OTOG: variants seen among roughly 807,000 people sequenced by gnomAD.
OTOG encodes otogelin.
Under a neutral mutation model 313.8 loss-of-function variants are expected in OTOG, and 296 were observed. That is an observed-to-expected ratio of 0.94 (90% CI 0.86 to 1.04). The LOEUF (loss-of-function observed/expected upper bound fraction) is 1.04, where lower values mean the gene tolerates loss of function less well. OTOG is among the 50% of genes least tolerant of loss of function. The pLI, the probability that OTOG is intolerant of heterozygous loss-of-function variation, is 0.00. For synonymous variants in OTOG, 1,533 were observed against 1,554.9 expected (o/e 0.99, Z 0.33); for missense variants, 3,948 against 3,840.1 (o/e 1.03, Z -0.74).
chr11:17,594,253 G>A, intron 28 of OTOG, 87 bp downstream of exon 28: 1 of 1,498,094 alleles, frequency 6.7e-7, no homozygotes. Flanking sequence ...AGGGAAGAGG[G>A]ATGCTGGTGT....
chr11:17,595,978 A>G, intron 28 of OTOG, 60 bp from the exon 29 acceptor site: 1 of 1,186,470 alleles, frequency 8.4e-7, no homozygotes, highest in Non-Finnish European at 1.2e-6. Flanking sequence ...TCTGTCTGTC[A>G]TGTCAGGCAA....
Position 17,634,964 on chromosome 11 carries a change from T to TGGGGGCCGGGGGGG in OTOG, c.7585+20_7585+21insGCCGGGGGGGGGGG. The stretch of plus-strand genomic sequence containing the variant: ...TACAGCTGTGGTGAGAGGCCCGGGG[T>TGGGGGCCGGGGGGG]GGGGAGGGTGGGGGACGGACTGAGG... On this transcript the variant is annotated intron_variant, in intron 45 of 55. Coordinates refer to ENST00000399397, the MANE Select transcript of OTOG (RefSeq NM_001292063.2). 1 of 397,114 alleles carries TGGGGGCCGGGGGGG rather than the reference T, an allele frequency of 2.5e-6. No individual in the cohort carries two copies. The highest frequency in any genetic ancestry group is 4.4e-6 in the Non-Finnish European group (1 of 228,622). 24.6% of individuals were successfully genotyped at this position (397,114 alleles called of 1,614,324 possible). A position where few individuals can be genotyped will look rare whatever the true frequency, so the allele number is the denominator to read the frequency against.
At chr11:17,613,029 T>C (rs2134096617) in intron 38 of OTOG, among the ~76,000 whole-genome samples, 1 of 152,230 alleles carries the variant, frequency 6.6e-6, no homozygotes, top group East Asian at 1.9e-4. Context: ...GTAGGAGGGA[T>C]GGCACAGTAG....
At chr11:17,569,328 AGGGTTTG>A in intron 16 of OTOG, 40 bp downstream of exon 16, 1 of 1,549,114 alleles carries the variant, frequency 6.5e-7, no homozygotes, top group Non-Finnish European at 8.7e-7. Context: ...TTGGGAACTG[AGGGTTTG>A]GACCTCTCTT....
chr11:17,558,901 G>A (rs1380331202), intron 10 of OTOG, 151 bp from the exon 11 acceptor site: 8 of 738,320 alleles, frequency 1.1e-5, no homozygotes, highest in Non-Finnish European at 1.9e-5. Flanking sequence ...CAAGTCTAGG[G>A]ATCTGTTCAC....
chr11:17,609,648 T>G lies in OTOG; in HGVS notation c.4355-7T>G. 6.8e-7 allele frequency: 1 copy of G among 1,473,150 alleles called. No homozygotes were observed. Among genetic ancestry groups the G allele is most frequent in the Non-Finnish European group, 9.0e-7 (1 of 1,107,258 alleles). The allele number at this position is 1,473,150 out of a possible 1,614,324, so 91.3% of individuals were successfully genotyped here. ...CGCCTTCTGAACCTCTTCTTTTGTC[T>G]CCGCAGGTGTGGAGCCAGCAGTTTG... On this transcript the variant is annotated splice_region_variant and splice_polypyrimidine_tract_variant and intron_variant, in intron 35 of 55. Transcript: ENST00000399397.
At chr11:17,587,644 G>A (rs780043570) in intron 24 of OTOG, among the ~76,000 whole-genome samples, 5 of 152,182 alleles carry the variant, frequency 3.3e-5, no homozygotes, top group Non-Finnish European at 5.9e-5. Flanking sequence ...GCAGGGTCAC[G>A]GTCAAGCCCA....
Position 17,610,540 on chromosome 11 carries a change from C to A in OTOG, c.5240C>A (p.Ser1747Tyr). The change falls in exon 36 of 56, where the codon TCT becomes TAT. Residue 1747 changes from serine to tyrosine, a missense_variant. Physicochemically the swap from Ser to Tyr is moderately radical, Grantham distance 144 (BLOSUM62 -2). Coordinates refer to ENST00000399397, the MANE Select transcript of OTOG (RefSeq NM_001292063.2). ...TCCCCACAGCCACACCCACTCCCCT[C>A]TGCACCACCCCGCCCAGCCCAGCAT... Reference protein sequence around the residue: ...PASPQPHPLPSAPPRPAQHTT... With the variant: ...PASPQPHPLPYAPPRPAQHTT... 6.4e-7 allele frequency: 1 copy of A among 1,550,634 alleles called. No homozygotes were observed. Among genetic ancestry groups the A allele is most frequent in the Non-Finnish European group, 8.7e-7 (1 of 1,146,962 alleles).
intron 40 of OTOG, 110 bp from the exon 41 acceptor site, chr11:17,631,592 T>A: frequency 2.3e-6 from 2 of 869,734 alleles, no homozygotes; most frequent in Non-Finnish European, 3.6e-6. Flanking sequence ...AAAATGGGGA[T>A]AATGGTATTA....
intron 52 of OTOG, 57 bp downstream of exon 52, chr11:17,642,008 C>T (rs1847986076): frequency 1.3e-6 from 2 of 1,531,906 alleles, no homozygotes; most frequent in Non-Finnish European, 1.8e-6. Flanking sequence ...GACACCAGGA[C>T]TAGGGCCCTC....
rs923546835 is a variant in OTOG at position 17,642,280 on chromosome 11, C to T, written c.8415+34C>T. The T allele has an allele frequency of 7.9e-6, 12 of 1,525,928 alleles. No homozygotes were observed. The African/African-American group carries it at 8.3e-5, about 11-fold the overall frequency. 94.5% of individuals were successfully genotyped at this position (1,525,928 alleles called of 1,614,324 possible). ...CTCCTTCTCCACTGAGGCTGTAGGC[C>T]AGGGGCATCAGCTGTCTCACTGGTG... On this transcript the variant is annotated intron_variant, in intron 53 of 55. Coordinates refer to ENST00000399397, the MANE Select transcript of OTOG (RefSeq NM_001292063.2).
intron 39 of OTOG, among the ~76,000 whole-genome samples, chr11:17,616,092 C>T (rs1352027760): frequency 2.0e-5 from 3 of 151,968 alleles, no homozygotes; most frequent in Non-Finnish European, 4.4e-5. Context: ...CAGGGTCTTT[C>T]CCTATCATCT....
chr11:17,554,336 G>A (rs746597915), intron 6 of OTOG, among the ~76,000 whole-genome samples: 1 of 152,182 alleles, frequency 6.6e-6, no homozygotes, highest in Non-Finnish European at 1.5e-5. Context: ...CCTAGGCCAG[G>A]GGTCATGTCT....
chr11:17,598,603 G>C (rs1264874009), intron 30 of OTOG, among the ~76,000 whole-genome samples: 1 of 152,180 alleles, frequency 6.6e-6, no homozygotes, highest in Non-Finnish European at 1.5e-5. Context: ...TCCCACCTTA[G>C]AGGAGGGCAC....
chr11:17,605,921 C>A lies in OTOG; in HGVS notation c.3942C>A (p.Asn1314Lys). 1.3e-6 allele frequency: 2 copies of A among 1,550,540 alleles called. No individual in the cohort carries two copies. Among genetic ancestry groups the A allele is most frequent in the Middle Eastern group, 1.7e-4 (1 of 5,990 alleles). The change falls in exon 33 of 56, where the codon AAC (asparagine) becomes AAA (lysine). Residue 1314 changes from asparagine (N) to lysine (K), a missense_variant. By Grantham distance (94) the Asn-to-Lys change is moderately conservative (BLOSUM62 0). Transcript: ENST00000399397. ...ACTTCTTCCTTCACGTCACAGCCAA[C>A]GGGTCTCTGGAGCTGGCTAAGTGGC... is the stretch of plus-strand genomic sequence containing the variant. ...RPNFFLHVTANGSLELAKWQG... is the reference protein window; with the variant it reads ...RPNFFLHVTAKGSLELAKWQG...
Position 17,641,110 on chromosome 11 carries a change from C to A in OTOG, c.8190+19C>A. On this transcript the variant is annotated intron_variant, in intron 51 of 55. Transcript: ENST00000399397. ...TGAGGCGGTAGGGTGCAGCCCAGGG[C>A]GGGGTGGGTGGGGTTGGGAGGGCTT... 1.5e-5 allele frequency: 1 copy of A among 68,442 alleles called. No individual in the cohort carries two copies. The highest frequency in any genetic ancestry group is 3.2e-4 in the African/African-American group (1 of 3,086). 4.2% of individuals were successfully genotyped at this position (68,442 alleles called of 1,614,324 possible).
At position 17,602,210 on chromosome 11, in the gene OTOG, T is replaced by TGCTA; in HGVS notation, c.3712_3715dup (p.Gly1239AlafsTer3). On this transcript the variant is annotated frameshift_variant and splice_region_variant, in exon 32 of 56. Transcript: ENST00000399397. LOFTEE classifies it high-confidence loss of function. ...TGCTGATGGGGCCTCTTCTCTCCAG[T>TGCTA]GCTAGGTAAGGGCCCCTATCAGCTA... The TGCTA allele has an allele frequency of 3.2e-6, 5 of 1,550,146 alleles. No individual in the cohort carries two copies. The highest frequency in any genetic ancestry group is 4.4e-6 in the Non-Finnish European group (5 of 1,146,882).
In OTOG at chr11:17,570,373, C is replaced by T. The variant is rs1265117737; in HGVS notation, c.1938C>T (p.Asn646=). ...TVGLCGTFNG[N]TQDDFLSPVG... ...GCCTCTGCGGCACCTTCAATGGCAACACGCAGGATGACTTCCTGTACGTAG... is the reference window on the plus strand; with the variant it reads ...GCCTCTGCGGCACCTTCAATGGCAATACGCAGGATGACTTCCTGTACGTAG... The change falls in exon 17 of 56, where the codon AAC becomes AAT. Residue 646 remains asparagine (N), a synonymous_variant. Transcript: ENST00000399397. 1 of 1,550,552 alleles carries T rather than the reference C, an allele frequency of 6.4e-7. No individual in the cohort carries two copies. The highest frequency in any genetic ancestry group is 1.2e-5 in the South Asian group (1 of 84,052).
At chr11:17,627,595 C>A (rs1854017975) in intron 39 of OTOG, among the ~76,000 whole-genome samples, 1 of 152,102 alleles carries the variant, frequency 6.6e-6, no homozygotes, top group Non-Finnish European at 1.5e-5. Context: ...CAGAGTAACA[C>A]TGGCCTCATA....
Sources: gnomAD v4.1 joint callset for allele counts (sites outside exome capture counted in the v4.1 genomes callset) on GRCh38, gnomAD v4.1.1 for gene constraint, MANE v1.5 for transcripts, NCBI Gene and HGNC (gene_info 2026-07-23, HGNC 2026-07-21) for gene names.